The following TMPRSS11F variants were observed in gnomAD, a reference collection of about 807,000 sequenced individuals.
TMPRSS11F encodes transmembrane serine protease 11F, also known as transmembrane protease serine 11F.
Under a neutral mutation model 60.2 loss-of-function variants are expected in TMPRSS11F, and 47 were observed. The ratio of observed to expected loss-of-function variants is 0.78; its 90% CI spans 0.62 to 1.00. The LOEUF (loss-of-function observed/expected upper bound fraction) is 1.00. TMPRSS11F is among the 50% of genes least tolerant of loss of function. TMPRSS11F has a pLI of 0.00. For synonymous variants in TMPRSS11F, 166 were observed against 167.3 expected, an observed-to-expected ratio of 0.99 and a Z score of 0.06; for missense variants, 519 against 522.9, an observed-to-expected ratio of 0.99 and a Z score of 0.07.
intron 1 of TMPRSS11F, 137 bp downstream of exon 1, chr4:68,129,673 T>A: frequency 1.4e-6 from 1 of 706,726 alleles, no homozygotes; most frequent in Non-Finnish European, 2.2e-6. Flanking sequence ...AAAACTTTAA[T>A]ATAAAATACA....
At chr4:68,078,547 G>T (rs546567979) in intron 3 of TMPRSS11F, among the ~76,000 whole-genome samples, 4 of 152,270 alleles carry the variant, frequency 2.6e-5, no homozygotes, top group Non-Finnish European at 4.4e-5. Flanking sequence ...TCCACACATT[G>T]TCTGGCCCAC....
Position 68,064,824 on chromosome 4 carries a change from AT to A in TMPRSS11F, c.875del (p.Asn292MetfsTer17), listed in dbSNP as rs1317826736. 19 of 1,613,972 alleles carry A rather than the reference AT, an allele frequency of 1.2e-5. No individual in the cohort carries two copies. Among genetic ancestry groups the A allele is most frequent in the Non-Finnish European group, 1.6e-5 (19 of 1,179,992 alleles). Reference sequence around the variant, plus strand: ...TAGAGAGCTGAACCAAAGCAATGTCATTTTCATTTGTTTCTCTATGGTAATT... The same window carrying A: ...TAGAGAGCTGAACCAAAGCAATGTCATTTCATTTGTTTCTCTATGGTAATT... ...HENYHRETNE[N>X]DIALVQLSTG... On this transcript the variant is annotated frameshift_variant, in exon 8 of 10. Coordinates refer to ENST00000356291, the MANE Select transcript of TMPRSS11F (RefSeq NM_207407.2). LOFTEE classifies it high-confidence loss of function.
chr4:68,082,337 C>T (rs1723713036), intron 3 of TMPRSS11F, among the ~76,000 whole-genome samples: 1 of 152,144 alleles, frequency 6.6e-6, no homozygotes, highest in Admixed American at 6.5e-5. Flanking sequence ...TGCATGGACC[C>T]CAGAGGGTTT....
intron 1 of TMPRSS11F, among the ~76,000 whole-genome samples, chr4:68,116,241 A>G (rs1157927040): frequency 6.6e-6 from 1 of 152,174 alleles, no homozygotes; most frequent in Non-Finnish European, 1.5e-5. Context: ...TTTTTTCCCA[A>G]GGGAAAATAA....
At chr4:68,126,933 C>T (rs1034903607) in intron 1 of TMPRSS11F, among the ~76,000 whole-genome samples, 12 of 152,232 alleles carry the variant, frequency 7.9e-5, no homozygotes, top group East Asian at 7.7e-4. Flanking sequence ...TGTAGGCAGA[C>T]GAAACAACAA....
rs1240266717 is a variant in TMPRSS11F, at chr4:68,117,608, C to T, written c.11+12202G>A. The stretch of plus-strand genomic sequence containing the variant: ...ATCAGGAAAATGCAAGTCAAAACAA[C>T]AATGAGATATCACCTCACATCTGTT... On this transcript the variant is annotated intron_variant, in intron 1 of 9. Transcript: ENST00000356291. Among the ~76,000 whole-genome samples, 3 of 150,556 alleles carry T rather than the reference C, an allele frequency of 2.0e-5. No homozygotes were observed. The East Asian group carries it at 5.9e-4, about 29-fold the overall frequency.
intron 7 of TMPRSS11F, among the ~76,000 whole-genome samples, chr4:68,065,398 C>T (rs542272557): frequency 6.6e-6 from 1 of 152,122 alleles, no homozygotes; most frequent in African/African-American, 2.4e-5. Context: ...TTCATGTATA[C>T]ACATGGTTTT....
chr4:68,068,641 G>A lies in TMPRSS11F; in HGVS notation c.732C>T (p.Leu244=), dbSNP rs757399980. ...GASLISNTWL[L]TAAHCFWKNK... ...ACTTCCAAAAGCAGTGAGCTGCTGTGAGCAGCCATGTGTTACTGATGAGGC... is the reference window on the plus strand; with the variant it reads ...ACTTCCAAAAGCAGTGAGCTGCTGTAAGCAGCCATGTGTTACTGATGAGGC... The change falls in exon 7 of 10, where the codon CTC becomes CTT. Residue 244 remains leucine (L), a synonymous_variant. Coordinates refer to ENST00000356291, the MANE Select transcript of TMPRSS11F (RefSeq NM_207407.2). The A allele has an allele frequency of 1.2e-6, 2 of 1,614,102 alleles. No individual in the cohort carries two copies. The highest frequency in any genetic ancestry group is 2.2e-5 in the South Asian group (2 of 91,068).
chr4:68,088,121 C>T (rs1288194461), intron 3 of TMPRSS11F, among the ~76,000 whole-genome samples: 3 of 151,798 alleles, frequency 2.0e-5, no homozygotes, highest in Admixed American at 6.6e-5. Context: ...AGTCAAGACC[C>T]ATCAGTGTGA....
chr4:68,064,844 G>A lies in TMPRSS11F; in HGVS notation c.856C>T (p.His286Tyr). The change falls in exon 8 of 10, where the codon CAT becomes TAT. Residue 286 changes from histidine (H) to tyrosine (Y), a missense_variant. His to Tyr is a moderately conservative substitution (Grantham distance 83). Coordinates refer to ENST00000356291, the MANE Select transcript of TMPRSS11F (RefSeq NM_207407.2). ...ATGTCATTTTCATTTGTTTCTCTAT[G>A]GTAATTCTCATGAAGAATAATTTTC... ...VRKIILHENY[H>Y]RETNENDIAL... is the part of the protein sequence containing the mutation. 1 of 1,614,022 alleles carries A rather than the reference G, an allele frequency of 6.2e-7. No homozygotes were observed. The highest frequency in any genetic ancestry group is 2.2e-5 in the East Asian group (1 of 44,856).
chr4:68,103,397 G>C (rs1293593248), intron 1 of TMPRSS11F, among the ~76,000 whole-genome samples: 2 of 151,130 alleles, frequency 1.3e-5, no homozygotes, highest in African/African-American at 2.4e-5. Context: ...AGTGAGCTGT[G>C]ATCATGCCCC....
chr4:68,069,872 T>C, intron 6 of TMPRSS11F, 97 bp downstream of exon 6: 2 of 982,586 alleles, frequency 2.0e-6, no homozygotes, highest in South Asian at 1.9e-5. Context: ...AAATGAGTCT[T>C]AAAAAGCTTG....
At chr4:68,114,377 G>A (rs933835404) in intron 1 of TMPRSS11F, among the ~76,000 whole-genome samples, 1 of 150,540 alleles carries the variant, frequency 6.6e-6, no homozygotes, top group Non-Finnish European at 1.5e-5. Flanking sequence ...GGAATGAGGA[G>A]AAAGATATTA....
chr4:68,090,423 T>C (rs998312717), intron 3 of TMPRSS11F, 100 bp downstream of exon 3: 5 of 1,432,176 alleles, frequency 3.5e-6, no homozygotes, highest in Non-Finnish European at 4.6e-6. Flanking sequence ...ATCTCCATTA[T>C]GCAAAAGAAG....
Position 68,123,280 on chromosome 4 carries a change from A to C in TMPRSS11F, c.11+6530T>G, listed in dbSNP as rs547573190. ...CTGCTCTTATTAGATCAAAAAGTAA[A>C]GAACACAAGAGCAGTCCTAAGCAAG... On this transcript the variant is annotated intron_variant, in intron 1 of 9. Coordinates refer to ENST00000356291, the MANE Select transcript of TMPRSS11F (RefSeq NM_207407.2). Among the ~76,000 whole-genome samples the C allele has an allele frequency of 1.2e-3, 178 of 152,356 alleles. 1 individual carries two copies. Among genetic ancestry groups the C allele is most frequent in the Non-Finnish European group, 1.4e-3 (98 of 68,032 alleles).
At chr4:68,054,888 C>G (rs750881805) in intron 9 of TMPRSS11F, among the ~76,000 whole-genome samples, 1 of 152,028 alleles carries the variant, frequency 6.6e-6, no homozygotes, top group Non-Finnish European at 1.5e-5. Flanking sequence ...ATTAAATAAG[C>G]CCAAAAACAA....
At chr4:68,098,369 T>G (rs1223578328) in intron 2 of TMPRSS11F, among the ~76,000 whole-genome samples, 4 of 152,168 alleles carry the variant, frequency 2.6e-5, no homozygotes, top group African/African-American at 9.7e-5. Flanking sequence ...GATTGTCATT[T>G]GGCTCAACTA....
chr4:68,106,979 A>G (rs1724315277), intron 1 of TMPRSS11F, among the ~76,000 whole-genome samples: 1 of 152,148 alleles, frequency 6.6e-6, no homozygotes, highest in Admixed American at 6.5e-5. Flanking sequence ...CACTACTCTC[A>G]TGCTATGGTA....
chr4:68,059,229 T>C (rs1723105918), intron 9 of TMPRSS11F, 97 bp downstream of exon 9: 4 of 1,273,040 alleles, frequency 3.1e-6, no homozygotes, highest in Admixed American at 4.5e-5. Context: ...GTGTAAGAGA[T>C]GCCATTTTTT....
Sources: allele counts gnomAD v4.1 joint callset (sites outside exome capture counted in the v4.1 genomes callset), GRCh38; gene constraint gnomAD v4.1.1; transcripts MANE v1.5; gene names NCBI Gene and HGNC (gene_info 2026-07-23, HGNC 2026-07-21).